Variants in DMXL2 observed in about 807,000 individuals in gnomAD.
DMXL2 encodes dmX-like protein 2.
DMXL2 carries 103 observed loss-of-function variants against 331.1 expected under a neutral mutation model. The ratio of observed to expected loss-of-function variants is 0.31; its 90% CI spans 0.27 to 0.37. The LOEUF (loss-of-function observed/expected upper bound fraction) is 0.37. Among genes scored for constraint, DMXL2 ranks in the 10% least tolerant of loss-of-function variants. The pLI is 1.00. For missense variants in DMXL2, 3,171 were observed against 3,642.9 expected, an observed-to-expected ratio of 0.87 and a Z score of 3.33; for synonymous variants, 1,281 against 1,252.1, an observed-to-expected ratio of 1.02 and a Z score of -0.49.
chr15:51,545,656 G>A lies in DMXL2; in HGVS notation c.857C>T (p.Thr286Ile), dbSNP rs912907146. The A allele has an allele frequency of 1.5e-5, 24 of 1,613,654 alleles. No homozygotes were observed. The highest frequency in any genetic ancestry group is 1.9e-5 in the Non-Finnish European group (23 of 1,179,730). ...DCLLGEQICE[T>I]TTSSIASSLS... is the part of the protein sequence containing the mutation. ...GCTGCTGGCAATGCTGGAAGTGGTA[G>A]TCTCACAAATCTGCTCACCCAAAAG... The change falls in exon 8 of 44, where the codon ACT becomes ATT. Residue 286 changes from threonine to isoleucine, a missense_variant. Around this residue, in one of 7 missense-constraint regions of DMXL2, gnomAD observed 1,674 missense variants for 1,780.2 expected, o/e 0.94. Transcript: ENST00000560891.
chr15:51,569,517 C>G (rs537118326), intron 2 of DMXL2, among the ~76,000 whole-genome samples: 2 of 152,184 alleles, frequency 1.3e-5, no homozygotes, highest in South Asian at 4.1e-4. Flanking sequence ...CCCTGACCCC[C>G]CCGTGTACCC....
At chr15:51,546,402 T>C (rs955619799) in intron 7 of DMXL2, among the ~76,000 whole-genome samples, 3 of 152,138 alleles carry the variant, frequency 2.0e-5, no homozygotes, top group African/African-American at 7.2e-5. Flanking sequence ...TTAAGCAGAA[T>C]ATATTTAGAT....
chr15:51,616,289 C>T (rs1380289063), intron 1 of DMXL2, among the ~76,000 whole-genome samples: 1 of 151,568 alleles, frequency 6.6e-6, no homozygotes, highest in Non-Finnish European at 1.5e-5. Context: ...GGGTAGATAG[C>T]ATTAAAGGAA....
chr15:51,550,557 C>G (rs1315005816), intron 6 of DMXL2, among the ~76,000 whole-genome samples: 2 of 152,042 alleles, frequency 1.3e-5, no homozygotes, highest in Non-Finnish European at 2.9e-5. Flanking sequence ...TATTCTATCA[C>G]TAACTATATT....
chr15:51,573,214 T>C (rs2141112398), intron 2 of DMXL2, among the ~76,000 whole-genome samples: 1 of 152,306 alleles, frequency 6.6e-6, no homozygotes, highest in East Asian at 1.9e-4. Flanking sequence ...GGAGAGGATG[T>C]GGAGAAATAG....
Position 51,453,636 on chromosome 15 carries a change from C to T in DMXL2, c.8610G>A (p.Trp2870Ter). 6.2e-7 allele frequency: 1 copy of T among 1,612,016 alleles called. No individual in the cohort carries two copies. Among genetic ancestry groups the T allele is most frequent in the Non-Finnish European group, 8.5e-7 (1 of 1,179,278 alleles). Residue 2870 changes from tryptophan to a stop codon, truncating the protein, a stop_gained, in exon 41 of 44, where the codon TGG becomes TGA. Coordinates refer to ENST00000560891, the MANE Select transcript of DMXL2 (RefSeq NM_001378457.1). LOFTEE classifies it high-confidence loss of function. ...TASNPKPYMS[W>*]QCHSKATSDF... ...CACTTGTGGCTTTACTGTGGCACTGCCAACTCTACGAAAAACAAAGTGCAA... is the reference window on the plus strand; with the variant it reads ...CACTTGTGGCTTTACTGTGGCACTGTCAACTCTACGAAAAACAAAGTGCAA...
intron 1 of DMXL2, among the ~76,000 whole-genome samples, chr15:51,597,436 C>T (rs558803425): frequency 2.0e-5 from 3 of 152,166 alleles, no homozygotes; most frequent in Admixed American, 1.3e-4. Context: ...ATACTGTATG[C>T]TTTTGTGTCT....
At chr15:51,496,949 G>A (rs2043226214) in intron 18 of DMXL2, among the ~76,000 whole-genome samples, 1 of 152,196 alleles carries the variant, frequency 6.6e-6, no homozygotes, top group African/African-American at 2.4e-5. Flanking sequence ...CCTCATGAAT[G>A]TCCACTGTGT....
At position 51,457,621 on chromosome 15, in the gene DMXL2, TA is replaced by T. The variant is rs2039748061; in HGVS notation, c.8199-156del. 6 of 774,890 alleles carry T rather than the reference TA, an allele frequency of 7.7e-6. No homozygotes were observed. The South Asian group carries it at 1.3e-4, about 17-fold the overall frequency. The allele number at this position is 774,890 out of a possible 1,614,324, so 48.0% of individuals were successfully genotyped here. On this transcript the variant is annotated intron_variant, in intron 36 of 43. Coordinates refer to ENST00000560891, the MANE Select transcript of DMXL2 (RefSeq NM_001378457.1). ...AGGTACAAGTCCTAATCGCCAATGTTAATACTGGTTAACTTTTTTCCCTTTT... is the reference window on the plus strand; with the variant it reads ...AGGTACAAGTCCTAATCGCCAATGTTATACTGGTTAACTTTTTTCCCTTTT...
At position 51,449,197 on chromosome 15, in the gene DMXL2, G is replaced by A. The variant is rs1379413081; in HGVS notation, c.8968-4C>T. The A allele has an allele frequency of 6.2e-7, 1 of 1,613,700 alleles. No homozygotes were observed. Among genetic ancestry groups the A allele is most frequent in the Non-Finnish European group, 8.5e-7 (1 of 1,179,796 alleles). On this transcript the variant is annotated splice_polypyrimidine_tract_variant and splice_region_variant and intron_variant, in intron 43 of 43. Transcript: ENST00000560891. ...CATGGCCTGTCAATCTCCAAACCTAGTGCAAAACAAAAGGAGTTAAAAATA... is the reference window on the plus strand; with the variant it reads ...CATGGCCTGTCAATCTCCAAACCTAATGCAAAACAAAAGGAGTTAAAAATA...
intron 2 of DMXL2, among the ~76,000 whole-genome samples, chr15:51,572,804 T>C (rs1053359886): frequency 2.6e-5 from 4 of 152,100 alleles, no homozygotes; most frequent in Non-Finnish European, 5.9e-5. Context: ...TAAGAGCTAT[T>C]TATGACAAAC....
chr15:51,572,347 A>G lies in DMXL2; in HGVS notation c.213+3709T>C, dbSNP rs907398235. Reference sequence around the variant, plus strand: ...CCAGATGGATTCACAGCTGAATTCTACCAGAGGTACAAAAAGGAGCTGGTA... The same window carrying G: ...CCAGATGGATTCACAGCTGAATTCTGCCAGAGGTACAAAAAGGAGCTGGTA... On this transcript the variant is annotated intron_variant, in intron 2 of 43. Transcript: ENST00000560891. 2.6e-5 allele frequency among the ~76,000 whole-genome samples: 4 copies of G among 151,834 alleles called. No individual in the cohort carries two copies. The East Asian group carries it at 7.7e-4, about 29-fold the overall frequency.
At chr15:51,613,596 T>C (rs538684295) in intron 1 of DMXL2, among the ~76,000 whole-genome samples, 73 of 152,254 alleles carry the variant, frequency 4.8e-4, no homozygotes, top group Non-Finnish European at 8.5e-4. Context: ...TCAGTTTTAC[T>C]TTCTATATTT....
intron 1 of DMXL2, among the ~76,000 whole-genome samples, chr15:51,596,100 C>A (rs186008700): frequency 0.054 from 8,283 of 152,200 alleles, 581 homozygotes; most frequent in African/African-American, 0.16. Flanking sequence ...AGCTTCTGCA[C>A]AGCAAAAGAA....
At chr15:51,462,693 G>A (rs1489055183) in intron 33 of DMXL2, among the ~76,000 whole-genome samples, 1 of 152,082 alleles carries the variant, frequency 6.6e-6, no homozygotes, top group Non-Finnish European at 1.5e-5. Context: ...TCTTCAAACT[G>A]CTCATTCCCT....
chr15:51,472,094 A>G (rs899376740), intron 28 of DMXL2, among the ~76,000 whole-genome samples: 1 of 152,228 alleles, frequency 6.6e-6, no homozygotes, highest in African/African-American at 2.4e-5. Context: ...AAGTAGAGGA[A>G]GGGTTGTATA....
At chr15:51,504,644 C>G (rs1213102758) in intron 16 of DMXL2, among the ~76,000 whole-genome samples, 1 of 152,150 alleles carries the variant, frequency 6.6e-6, no homozygotes, top group Non-Finnish European at 1.5e-5. Flanking sequence ...TTCTGTTAAA[C>G]ATGTCAATCT....
In DMXL2 at chr15:51,448,844, T is replaced by A. The variant is rs1231749190; in HGVS notation, c.*140A>T. The A allele has an allele frequency of 4.9e-6, 4 of 822,712 alleles. No homozygotes were observed. The highest frequency in any genetic ancestry group is 7.6e-6 in the Non-Finnish European group (4 of 525,920). 51.0% of individuals were successfully genotyped at this position (822,712 alleles called of 1,614,324 possible). ...CATTCATTCCACCAACCTGTTTAGA[T>A]AATACTCAGCTTGGGTCATATTCAA... On this transcript the variant is annotated 3_prime_UTR_variant, in exon 44 of 44. Coordinates refer to ENST00000560891, the MANE Select transcript of DMXL2 (RefSeq NM_001378457.1).
At chr15:51,527,147 G>A (rs962880407) in intron 13 of DMXL2, among the ~76,000 whole-genome samples, 2 of 152,098 alleles carry the variant, frequency 1.3e-5, no homozygotes, top group African/African-American at 4.8e-5. Context: ...AGCATCAAGA[G>A]AAAAGAAACA....
Sources: allele counts gnomAD v4.1 joint callset (sites outside exome capture counted in the v4.1 genomes callset), GRCh38; gene constraint gnomAD v4.1.1; regional missense constraint gnomAD v4.1.1; transcripts MANE v1.5; gene names NCBI Gene and HGNC (gene_info 2026-07-23, HGNC 2026-07-21).